The following NOVA1 variants were observed in gnomAD, a reference collection of about 807,000 sequenced individuals.
NOVA1 encodes the protein RNA-binding protein Nova-1.
NOVA1 carries 7 observed loss-of-function variants against 38.0 expected under a neutral mutation model. That is an observed-to-expected ratio of 0.18 (90% CI 0.10 to 0.35). The LOEUF (loss-of-function observed/expected upper bound fraction) is 0.35. Ranked by LOEUF, NOVA1 falls within the 10% of genes least tolerant of loss-of-function variation. The probability of loss-of-function intolerance (pLI) is 1.00; values close to 1 mark genes in which losing one functional copy is unlikely to be tolerated. For synonymous variants in NOVA1, 270 were observed against 232.5 expected (o/e 1.16, Z -1.47); for missense variants, 460 against 616.0 (o/e 0.75, Z 2.68).
At chr14:26,498,660 C>T (rs1887006409) in intron 2 of NOVA1, among the ~76,000 whole-genome samples, 3 of 152,080 alleles carry the variant, frequency 2.0e-5, no homozygotes, top group Non-Finnish European at 4.4e-5. Context: ...CAGAAACAAA[C>T]AAACACAACC....
chr14:26,477,643 T>C (rs888576067), intron 3 of NOVA1, among the ~76,000 whole-genome samples: 1 of 152,086 alleles, frequency 6.6e-6, no homozygotes, highest in Admixed American at 6.5e-5. Context: ...TATTGCAAAA[T>C]GATTTTAGAC....
intron 2 of NOVA1, chr14:26,588,298 T>C (rs1381431594): frequency 1.3e-5 from 2 of 151,078 alleles, no homozygotes; most frequent in Non-Finnish European, 3.0e-5. Flanking sequence ...GGTCTTGAAA[T>C]AAAAAAGAAA....
At chr14:26,499,061 T>C (rs1342862044) in intron 2 of NOVA1, among the ~76,000 whole-genome samples, 2 of 152,128 alleles carry the variant, frequency 1.3e-5, no homozygotes, top group Admixed American at 6.5e-5. Flanking sequence ...TGAGGGCAAA[T>C]GATACAAAGT....
chr14:26,461,590 CA>C (rs1325627148), intron 4 of NOVA1, among the ~76,000 whole-genome samples: 1 of 151,834 alleles, frequency 6.6e-6, no homozygotes, highest in Admixed American at 6.6e-5. Context: ...CTTATTTAAT[CA>C]TATCCATAAT....
intron 2 of NOVA1, among the ~76,000 whole-genome samples, chr14:26,568,256 T>G (rs549589231): frequency 6.6e-6 from 1 of 152,280 alleles, no homozygotes; most frequent in East Asian, 1.9e-4. Context: ...TACACAGTCA[T>G]TCATATACAA....
chr14:26,578,355 C>CT (rs72054917), intron 2 of NOVA1, among the ~76,000 whole-genome samples: 2 of 85,980 alleles, frequency 2.3e-5, no homozygotes, highest in African/African-American at 5.4e-5. Flanking sequence ...AAGAAACACA[C>CT]TTTTTTTTTT....
chr14:26,597,808 G>T lies in NOVA1; in HGVS notation c.-372C>A. On this transcript the variant is annotated 5_prime_UTR_variant, in exon 1 of 5. Transcript: ENST00000539517. ...CCGGGGAGGACAGGCAGAGGGAGTG[G>T]GAGAGCGCGAGGGCTGGCGGGGCGC... 1.9e-6 allele frequency: 1 copy of T among 528,668 alleles called. No individual in the cohort carries two copies. The highest frequency in any genetic ancestry group is 2.5e-6 in the Non-Finnish European group (1 of 408,044). The allele number at this position is 528,668 out of a possible 1,614,324, so 32.7% of individuals were successfully genotyped here.
At chr14:26,555,769 A>G (rs576718799) in intron 2 of NOVA1, among the ~76,000 whole-genome samples, 4 of 152,268 alleles carry the variant, frequency 2.6e-5, no homozygotes, top group African/African-American at 9.6e-5. Context: ...CATAAGTAAT[A>G]TTTAATTCAA....
At chr14:26,518,911 G>A (rs1888668934) in intron 2 of NOVA1, among the ~76,000 whole-genome samples, 1 of 152,010 alleles carries the variant, frequency 6.6e-6, no homozygotes, top group African/African-American at 2.4e-5. Context: ...TGTGTAAAAT[G>A]TGATTACTAA....
chr14:26,479,954 T>G, intron 3 of NOVA1, 23 bp downstream of exon 3: 1 of 1,611,128 alleles, frequency 6.2e-7, no homozygotes, highest in Non-Finnish European at 8.5e-7. Flanking sequence ...TATTTCTCTT[T>G]GATTTCTCAA....
At chr14:26,507,178 A>G (rs1244264444) in intron 2 of NOVA1, among the ~76,000 whole-genome samples, 1 of 152,158 alleles carries the variant, frequency 6.6e-6, no homozygotes, top group Admixed American at 6.6e-5. Flanking sequence ...ATTCTCGAAC[A>G]TTAAGAAATC....
chr14:26,525,027 A>G (rs538074270), intron 2 of NOVA1, among the ~76,000 whole-genome samples: 1 of 152,314 alleles, frequency 6.6e-6, no homozygotes, highest in South Asian at 2.1e-4. Context: ...AATTTCACAT[A>G]TACTTCTTGG....
intron 2 of NOVA1, among the ~76,000 whole-genome samples, chr14:26,494,240 T>C (rs561590091): frequency 6.6e-6 from 1 of 152,296 alleles, no homozygotes; most frequent in South Asian, 2.1e-4. Context: ...GCTTTGTCTC[T>C]TAGGCAAAAT....
At chr14:26,560,128 C>T (rs1254041650) in intron 2 of NOVA1, among the ~76,000 whole-genome samples, 1 of 151,980 alleles carries the variant, frequency 6.6e-6, no homozygotes, top group Non-Finnish European at 1.5e-5. Flanking sequence ...CTAAGACTAT[C>T]TCCCTACTTT....
chr14:26,588,769 G>A (rs1196697450), intron 2 of NOVA1, among the ~76,000 whole-genome samples: 1 of 151,258 alleles, frequency 6.6e-6, no homozygotes, highest in African/African-American at 2.4e-5. Flanking sequence ...CATGTCAAAA[G>A]AGAATAAAAT....
chr14:26,595,718 AAAAC>A (rs775503334), intron 1 of NOVA1, 165 bp from the exon 2 acceptor site: 134 of 558,740 alleles, frequency 2.4e-4, no homozygotes, highest in Non-Finnish European at 2.9e-4. Context: ...ATTACATTGA[AAAAC>A]AAACAGGTAC....
intron 2 of NOVA1, among the ~76,000 whole-genome samples, chr14:26,589,533 T>G (rs1893718760): frequency 6.6e-6 from 1 of 151,794 alleles, no homozygotes; most frequent in Non-Finnish European, 1.5e-5. Flanking sequence ...CAAACTACTC[T>G]GCAAAGTGTA....
chr14:26,461,280 A>G (rs984050356), intron 4 of NOVA1, among the ~76,000 whole-genome samples: 2 of 152,206 alleles, frequency 1.3e-5, no homozygotes, highest in Admixed American at 6.5e-5. Flanking sequence ...ACTTTCTTCA[A>G]TCTTAAAGTC....
chr14:26,500,881 GA>G (rs1257536553), intron 2 of NOVA1, among the ~76,000 whole-genome samples: 4 of 151,704 alleles, frequency 2.6e-5, no homozygotes, highest in African/African-American at 7.3e-5. Flanking sequence ...TATGATTTAT[GA>G]AAAAAATATA....
Sources: allele counts gnomAD v4.1 joint callset (sites outside exome capture counted in the v4.1 genomes callset), GRCh38; gene constraint gnomAD v4.1.1; transcripts MANE v1.5; gene names NCBI Gene and HGNC (gene_info 2026-07-23, HGNC 2026-07-21).